NUS1: variants seen among roughly 807,000 people sequenced by gnomAD.
NUS1 encodes NUS1 dehydrodolichyl diphosphate synthase subunit.
For synonymous variants in NUS1, 135 were observed against 155.2 expected (o/e 0.87, Z 0.97); for missense variants, 292 against 382.9 (o/e 0.76, Z 1.98).
chr6:117,680,213 A>G (rs963032681), intron 1 of NUS1, among the ~76,000 whole-genome samples: 6 of 152,192 alleles, frequency 3.9e-5, no homozygotes, highest in Admixed American at 3.9e-4. Context: ...CAGGACAGTG[A>G]TCAGGAATTT....
At chr6:117,685,750 C>CT (rs983199764) in intron 1 of NUS1, among the ~76,000 whole-genome samples, 4 of 152,122 alleles carry the variant, frequency 2.6e-5, no homozygotes, top group African/African-American at 9.7e-5. Flanking sequence ...AAGTAAAAAT[C>CT]TTTAAGTCAT....
At chr6:117,694,949 C>G (rs1365925676) in intron 3 of NUS1, among the ~76,000 whole-genome samples, 3 of 152,062 alleles carry the variant, frequency 2.0e-5, no homozygotes. Context: ...AATCCCAGCA[C>G]TTTGGGAGGC....
intron 1 of NUS1, among the ~76,000 whole-genome samples, chr6:117,690,862 G>A (rs555813964): frequency 5.8e-4 from 88 of 150,512 alleles, no homozygotes; most frequent in African/African-American, 2.1e-3. Flanking sequence ...GCATGGTGGC[G>A]CATGCCTGTA....
chr6:117,691,871 G>C (rs13217247), intron 1 of NUS1, among the ~76,000 whole-genome samples: 3,452 of 151,600 alleles, frequency 0.023, 46 homozygotes, highest in Non-Finnish European at 0.033. Flanking sequence ...TATTCATCAC[G>C]TTGCTCTGTT....
Position 117,694,193 on chromosome 6 carries a change from A to G in NUS1, c.691+13A>G. ...GCCAGTTTACTTAGTAAGTTTTTTTATATATATATACATATATATGTATAT... is the reference window on the plus strand; with the variant it reads ...GCCAGTTTACTTAGTAAGTTTTTTTGTATATATATACATATATATGTATAT... On this transcript the variant is annotated intron_variant, in intron 3 of 4. Coordinates refer to ENST00000368494, the MANE Select transcript of NUS1 (RefSeq NM_138459.5). 7.0e-7 allele frequency: 1 copy of G among 1,429,792 alleles called. No homozygotes were observed. Among genetic ancestry groups the G allele is most frequent in the Non-Finnish European group, 9.6e-7 (1 of 1,039,742 alleles). The allele number at this position is 1,429,792 out of a possible 1,614,324, so 88.6% of individuals were successfully genotyped here.
In NUS1 at chr6:117,710,704, A is replaced by G. The variant is rs1056272646; in HGVS notation, c.*3689A>G. On this transcript the variant is annotated 3_prime_UTR_variant, in exon 5 of 5. Transcript: ENST00000368494. Reference sequence around the variant, plus strand: ...GTCTGGATATAAATTACAATAGCACATGAAAATAAAATGTTTTAAAAAATT... The same window carrying G: ...GTCTGGATATAAATTACAATAGCACGTGAAAATAAAATGTTTTAAAAAATT... 3 of 152,220 alleles carry G rather than the reference A, an allele frequency of 2.0e-5. No individual in the cohort carries two copies. The highest frequency in any genetic ancestry group is 4.8e-5 in the African/African-American group (2 of 41,474). The allele number at this position is 152,220 out of a possible 1,614,324, so 9.4% of individuals were successfully genotyped here. A position where few individuals can be genotyped will look rare whatever the true frequency, so the allele number is the denominator to read the frequency against.
intron 3 of NUS1, among the ~76,000 whole-genome samples, chr6:117,699,073 C>T (rs961746687): frequency 6.6e-6 from 1 of 152,098 alleles, no homozygotes; most frequent in African/African-American, 2.4e-5. Context: ...AAACTGAAAG[C>T]CTTTCCTCCA....
At chr6:117,701,162 G>T (rs1773402248) in intron 3 of NUS1, among the ~76,000 whole-genome samples, 2 of 151,462 alleles carry the variant, frequency 1.3e-5, no homozygotes, top group Admixed American at 6.6e-5. Flanking sequence ...AGCTCAATTT[G>T]GGGAAAGTTG....
chr6:117,678,897 G>T (rs542578733), intron 1 of NUS1, among the ~76,000 whole-genome samples: 2 of 152,098 alleles, frequency 1.3e-5, no homozygotes, highest in African/African-American at 2.4e-5. Flanking sequence ...GGCCAGGCTG[G>T]TCTCAAACTC....
intron 1 of NUS1, among the ~76,000 whole-genome samples, chr6:117,683,852 A>G (rs567156169): frequency 1.3e-5 from 2 of 152,298 alleles, no homozygotes; most frequent in South Asian, 4.1e-4. Context: ...TGCAGATAAG[A>G]TTTGCTGATG....
intron 1 of NUS1, among the ~76,000 whole-genome samples, chr6:117,691,656 T>C (rs950714585): frequency 6.8e-6 from 1 of 147,428 alleles, no homozygotes; most frequent in African/African-American, 2.5e-5. Flanking sequence ...AATATATTTA[T>C]ATTATATATA....
chr6:117,686,523 A>G (rs1410816375), intron 1 of NUS1, among the ~76,000 whole-genome samples: 1 of 152,164 alleles, frequency 6.6e-6, no homozygotes, highest in Non-Finnish European at 1.5e-5. Context: ...CCTCACCTGT[A>G]AAAGGTTGGA....
chr6:117,707,426 C>G lies in NUS1; in HGVS notation c.*411C>G. ...GGGAGGGGAATAATTTTTGTTCAGTCCTTCTTAGTGACCAAACTTTAATTT... is the reference window on the plus strand; with the variant it reads ...GGGAGGGGAATAATTTTTGTTCAGTGCTTCTTAGTGACCAAACTTTAATTT... On this transcript the variant is annotated 3_prime_UTR_variant, in exon 5 of 5. Coordinates refer to ENST00000368494, the MANE Select transcript of NUS1 (RefSeq NM_138459.5). 6.1e-6 allele frequency: 1 copy of G among 163,836 alleles called. No individual in the cohort carries two copies. Among genetic ancestry groups the G allele is most frequent in the South Asian group, 1.5e-4 (1 of 6,692 alleles). The allele number at this position is 163,836 out of a possible 1,614,324, so 10.1% of individuals were successfully genotyped here.
At chr6:117,696,079 A>G (rs1034753548) in intron 3 of NUS1, among the ~76,000 whole-genome samples, 6 of 152,092 alleles carry the variant, frequency 3.9e-5, no homozygotes, top group Admixed American at 2.0e-4. Context: ...GATAAATTTA[A>G]CAAAGAGAGT....
intron 1 of NUS1, among the ~76,000 whole-genome samples, chr6:117,688,599 C>T (rs1382427003): frequency 1.3e-5 from 2 of 152,078 alleles, no homozygotes; most frequent in Admixed American, 1.3e-4. Flanking sequence ...CACTTAAAGT[C>T]CTGCTCCTTT....
rs1582478648 is a variant in NUS1, at chr6:117,706,905, C to T, written c.792-20C>T. 1.3e-6 allele frequency: 2 copies of T among 1,599,730 alleles called. No homozygotes were observed. Among genetic ancestry groups the T allele is most frequent in the Non-Finnish European group, 1.7e-6 (2 of 1,167,444 alleles). On this transcript the variant is annotated intron_variant, in intron 4 of 4. Transcript: ENST00000368494. ...CAGTGTATATCTAATTGCTTTTCTC[C>T]CCCCGTGTTTTCTTTTCAGCTCTTT...
At chr6:117,688,039 A>G (rs2114683152) in intron 1 of NUS1, among the ~76,000 whole-genome samples, 1 of 152,278 alleles carries the variant, frequency 6.6e-6, no homozygotes, top group Middle Eastern at 3.4e-3. Context: ...CAACAAAGCA[A>G]AACCCTGTCT....
At chr6:117,703,819 C>G (rs1582477214) in intron 4 of NUS1, 115 bp downstream of exon 4, 1 of 754,102 alleles carries the variant, frequency 1.3e-6, no homozygotes, top group East Asian at 2.5e-5. Context: ...GATCCTTTAC[C>G]TCAGTTATTT....
chr6:117,696,064 T>C (rs1375907221), intron 3 of NUS1, among the ~76,000 whole-genome samples: 1 of 152,098 alleles, frequency 6.6e-6, no homozygotes, highest in Non-Finnish European at 1.5e-5. Flanking sequence ...GTCAGAATTC[T>C]ATCAGATAAA....
Sources: gnomAD v4.1 joint callset for allele counts (sites outside exome capture counted in the v4.1 genomes callset) on GRCh38, gnomAD v4.1.1 for gene constraint, MANE v1.5 for transcripts, NCBI Gene and HGNC (gene_info 2026-07-23, HGNC 2026-07-21) for gene names.